The following CACNG2 variants were observed in gnomAD, a reference collection of about 807,000 sequenced individuals.
The protein encoded by CACNG2 is voltage-dependent calcium channel gamma-2 subunit.
In CACNG2, 3 loss-of-function variants were observed where a neutral mutation model predicts 25.9. The ratio of observed to expected loss-of-function variants is 0.12; its 90% CI spans 0.05 to 0.30. The LOEUF (loss-of-function observed/expected upper bound fraction) is 0.30. Among genes scored for constraint, CACNG2 ranks in the 10% least tolerant of loss-of-function variants. The probability of loss-of-function intolerance (pLI) is 1.00; values close to 1 mark genes in which losing one functional copy is unlikely to be tolerated. For missense variants in CACNG2, 341 were observed against 432.5 expected (o/e 0.79, Z 1.88); for synonymous variants, 167 against 173.3 (o/e 0.96, Z 0.29).
At chr22:36,580,551 G>A (rs1043724192) in intron 2 of CACNG2, among the ~76,000 whole-genome samples, 1 of 152,100 alleles carries the variant, frequency 6.6e-6, no homozygotes, top group African/African-American at 2.4e-5. Context: ...AGGCCTGTGT[G>A]TGTGGCCTGT....
chr22:36,679,216 T>TTCTTTCTCTCTC (rs1937062452), intron 1 of CACNG2, among the ~76,000 whole-genome samples: 1 of 146,630 alleles, frequency 6.8e-6, no homozygotes, highest in South Asian at 2.2e-4. Flanking sequence ...CTTTCTTTCT[T>TTCTTTCTCTCTC]TCTTTCTTTC....
In CACNG2 at chr22:36,564,965, G is replaced by A. The variant is rs543280827; in HGVS notation, c.437-79C>T. ...TCAGGAAGTCGGCCACAGGGCAGCC[G>A]TAAAGGACGGGGACAGCTGTGTGGG... On this transcript the variant is annotated intron_variant, in intron 3 of 3. Transcript: ENST00000300105. The surrounding 1 kb of genome is among the most constrained non-coding windows in gnomAD (Gnocchi z 6.7). 8.2e-4 allele frequency: 1,098 copies of A among 1,335,644 alleles called. 8 individuals are homozygous for A. The African/African-American group carries it at 0.013, about 16-fold the overall frequency. 82.7% of individuals were successfully genotyped at this position (1,335,644 alleles called of 1,614,324 possible).
At chr22:36,663,414 C>T (rs533107790) in intron 1 of CACNG2, among the ~76,000 whole-genome samples, 2 of 152,292 alleles carry the variant, frequency 1.3e-5, no homozygotes, top group African/African-American at 4.8e-5. Flanking sequence ...GCTGCACACA[C>T]AAGCAAGCAA....
rs1320593925 is a variant in CACNG2, at chr22:36,702,765, G to C, written c.-189C>G. ...GGGAGGTAAGAAAGCTCACGGAAAA[G>C]AGTGTAAATTATAAAGATCACACGG... On this transcript the variant is annotated 5_prime_UTR_variant, in exon 1 of 4. Transcript: ENST00000300105. The C allele has an allele frequency of 3.6e-6, 2 of 554,876 alleles. No homozygotes were observed. Among genetic ancestry groups the C allele is most frequent in the African/African-American group, 1.9e-5 (1 of 52,660 alleles). The allele number at this position is 554,876 out of a possible 1,614,324, so 34.4% of individuals were successfully genotyped here. A position where few individuals can be genotyped will look rare whatever the true frequency, so the allele number is the denominator to read the frequency against.
At chr22:36,632,492 CTCTCA>C (rs1041870513) in intron 1 of CACNG2, among the ~76,000 whole-genome samples, 5 of 151,194 alleles carry the variant, frequency 3.3e-5, no homozygotes, top group African/African-American at 1.2e-4. Flanking sequence ...CTCTCTCTCT[CTCTCA>C]ATCCCTTTTC....
chr22:36,667,563 CTTATGACCTGTTA>C (rs1936891650), intron 1 of CACNG2, among the ~76,000 whole-genome samples: 1 of 152,154 alleles, frequency 6.6e-6, no homozygotes, highest in African/African-American at 2.4e-5. Context: ...TGGATGGGGA[CTTATGACCTGTTA>C]TTATTACAAA....
chr22:36,608,871 G>A (rs1477791752), intron 1 of CACNG2, among the ~76,000 whole-genome samples: 1 of 152,264 alleles, frequency 6.6e-6, no homozygotes, highest in South Asian at 2.1e-4. Flanking sequence ...CATGCAGTGA[G>A]CTCTCAGTAC....
Position 36,587,448 on chromosome 22 carries a change from C to G in CACNG2, c.295+17G>C, listed in dbSNP as rs765200959. The G allele has an allele frequency of 8.2e-6, 13 of 1,587,712 alleles. No individual in the cohort carries two copies. The African/African-American group carries it at 1.7e-4, about 21-fold the overall frequency. The stretch of plus-strand genomic sequence containing the variant: ...CCCACCACCAGGAGGGAGATAAAAA[C>G]AATCGTGTGCACTCACGGAGGAAAT... On this transcript the variant is annotated intron_variant, in intron 2 of 3. Coordinates refer to ENST00000300105, the MANE Select transcript of CACNG2 (RefSeq NM_006078.5).
intron 1 of CACNG2, among the ~76,000 whole-genome samples, chr22:36,669,713 GTCTCTCTCTT>G (rs1569046983): frequency 6.6e-6 from 1 of 151,610 alleles, no homozygotes. Flanking sequence ...TTCTCTCTCT[GTCTCTCTCTT>G]TCTTTTTGAG....
chr22:36,644,280 T>A (rs552815868), intron 1 of CACNG2, among the ~76,000 whole-genome samples: 1 of 152,188 alleles, frequency 6.6e-6, no homozygotes, highest in Non-Finnish European at 1.5e-5. Context: ...TCTGTCATCA[T>A]AAAAGCATGA....
chr22:36,598,613 C>A (rs114301161), intron 1 of CACNG2, among the ~76,000 whole-genome samples: 1 of 151,374 alleles, frequency 6.6e-6, no homozygotes, highest in Non-Finnish European at 1.5e-5. Flanking sequence ...AGCAAGAATC[C>A]GTCTAAAAAC....
intron 1 of CACNG2, among the ~76,000 whole-genome samples, chr22:36,699,813 A>G (rs1937388338): frequency 6.6e-6 from 1 of 152,232 alleles, no homozygotes; most frequent in Non-Finnish European, 1.5e-5. Flanking sequence ...GTCTACGCCA[A>G]CTTCCAGAAA....
At chr22:36,664,042 C>A (rs1936838482) in intron 1 of CACNG2, among the ~76,000 whole-genome samples, 1 of 152,122 alleles carries the variant, frequency 6.6e-6, no homozygotes, top group African/African-American at 2.4e-5. Context: ...GACCACATGG[C>A]TAAATGCATC....
chr22:36,567,257 A>G (rs1039389971), intron 2 of CACNG2, among the ~76,000 whole-genome samples: 2 of 152,230 alleles, frequency 1.3e-5, no homozygotes, highest in African/African-American at 4.8e-5. Context: ...TAAACATTCA[A>G]TGCATGATAT....
chr22:36,654,844 T>G (rs1163812525), intron 1 of CACNG2, among the ~76,000 whole-genome samples: 1 of 152,196 alleles, frequency 6.6e-6, no homozygotes, highest in Non-Finnish European at 1.5e-5. Context: ...TTTAGGCAAA[T>G]GTTTTGGGAC....
At chr22:36,668,075 C>T (rs1936897837) in intron 1 of CACNG2, among the ~76,000 whole-genome samples, 1 of 152,234 alleles carries the variant, frequency 6.6e-6, no homozygotes, top group Non-Finnish European at 1.5e-5. Flanking sequence ...AGGTCCATTT[C>T]AAAGGGGAGG....
At chr22:36,581,969 G>A (rs909845360) in intron 2 of CACNG2, among the ~76,000 whole-genome samples, 4 of 152,146 alleles carry the variant, frequency 2.6e-5, no homozygotes, top group African/African-American at 9.7e-5. Context: ...CACCATCCTT[G>A]CCTCCTTCCT....
chr22:36,682,373 A>G (rs529368697), intron 1 of CACNG2, among the ~76,000 whole-genome samples: 1 of 152,324 alleles, frequency 6.6e-6, no homozygotes, highest in South Asian at 2.1e-4. Context: ...TTGTGGGGAT[A>G]AAATAAAACC....
At chr22:36,666,350 G>C (rs558485855) in intron 1 of CACNG2, among the ~76,000 whole-genome samples, 20 of 152,276 alleles carry the variant, frequency 1.3e-4, no homozygotes, top group African/African-American at 4.8e-4. Flanking sequence ...TGAGGCTGCA[G>C]TGAGCTGTGA....
Sources: gnomAD v4.1 joint callset for allele counts (sites outside exome capture counted in the v4.1 genomes callset) on GRCh38, gnomAD v4.1.1 for gene constraint, Gnocchi (gnomAD v3.1) non-coding constraint, MANE v1.5 for transcripts, NCBI Gene and HGNC (gene_info 2026-07-23, HGNC 2026-07-21) for gene names.